PRH1: variants seen among roughly 807,000 people sequenced by gnomAD.
The protein encoded by PRH1 is salivary acidic proline-rich phosphoprotein 1/2.
In PRH1, 7 loss-of-function variants were observed where a neutral mutation model predicts 7.9. That is an observed-to-expected ratio of 0.89 (90% CI 0.50 to 1.67). The LOEUF (loss-of-function observed/expected upper bound fraction) is 1.67, where lower values mean the gene tolerates loss of function less well. Among genes scored for constraint, PRH1 ranks in the 40% most tolerant of loss-of-function variants. The pLI is 0.00. For missense variants in PRH1, 109 were observed against 223.6 expected (o/e 0.49, Z 3.27); for synonymous variants, 45 against 80.8 (o/e 0.56, Z 2.38).
chr12:10,966,036 C>A (rs1938484654), intron 2 of PRH1, among the ~76,000 whole-genome samples: 1 of 152,072 alleles, frequency 6.6e-6, no homozygotes, highest in East Asian at 1.9e-4. Context: ...CATACACATA[C>A]CCATCCAGAA....
In PRH1 at chr12:11,020,559, G is replaced by A. The variant is rs1941568029; in HGVS notation, c.-126+26461C>T. On this transcript the variant is annotated intron_variant, in intron 1 of 3. Coordinates refer to the PRH1 transcript ENST00000539853. ...CATTTCCTTCTTATAATAGAACTTG[G>A]TATCAATGGATACATCAACACACTG... is the stretch of plus-strand genomic sequence containing the variant. Among the ~76,000 whole-genome samples the A allele has an allele frequency of 2.0e-5, 3 of 151,794 alleles. No homozygotes were observed. The South Asian group carries it at 6.3e-4, about 32-fold the overall frequency.
chr12:10,939,045 G>A (rs760650571), intron 2 of PRH1: 16 of 1,613,900 alleles, frequency 9.9e-6, no homozygotes, highest in South Asian at 7.7e-5. Flanking sequence ...AGGCTAATTC[G>A]AGAGATTGCC....
chr12:11,125,170 G>A (rs1003426029), intron 1 of PRH1, among the ~76,000 whole-genome samples: 4 of 152,200 alleles, frequency 2.6e-5, no homozygotes, highest in African/African-American at 9.7e-5. Context: ...TCAGCATCAG[G>A]CCTAGACAAA....
chr12:10,947,995 C>T (rs566999704), intron 2 of PRH1, among the ~76,000 whole-genome samples: 1 of 152,302 alleles, frequency 6.6e-6, no homozygotes, highest in Admixed American at 6.5e-5. Flanking sequence ...GCTGACAGAT[C>T]TGCTGTTACC....
At chr12:10,984,601 G>A (rs1591766078) in intron 1 of PRH1, among the ~76,000 whole-genome samples, 1 of 151,976 alleles carries the variant, frequency 6.6e-6, no homozygotes, top group East Asian at 1.9e-4. Flanking sequence ...TGCTTTTATG[G>A]TGCTTACATT....
intron 2 of PRH1, among the ~76,000 whole-genome samples, chr12:10,913,992 G>C (rs2135834218): frequency 6.6e-6 from 1 of 152,306 alleles, no homozygotes; most frequent in South Asian, 2.1e-4. Flanking sequence ...GCAAGTATGA[G>C]ACTGGCCTCT....
chr12:11,036,694 G>T (rs1301260560), intron 1 of PRH1, among the ~76,000 whole-genome samples: 1 of 152,200 alleles, frequency 6.6e-6, no homozygotes, highest in Non-Finnish European at 1.5e-5. Flanking sequence ...AAATCTAAAT[G>T]TATTGGAGCT....
chr12:10,909,188 A>C (rs1187278552), intron 2 of PRH1: 1 of 1,613,930 alleles, frequency 6.2e-7, no homozygotes, highest in South Asian at 1.1e-5. Context: ...GCTCTCTTTT[A>C]CTGACCCAGT....
intron 1 of PRH1, chr12:11,021,794 C>A (rs767546611): frequency 1.2e-6 from 2 of 1,614,114 alleles, no homozygotes; most frequent in Non-Finnish European, 1.7e-6. Context: ...AGCAGGAGTA[C>A]AAGTTTGCTC....
intron 1 of PRH1, chr12:10,996,452 ATAGT>A (rs902213915): frequency 6.6e-6 from 1 of 152,212 alleles, no homozygotes; most frequent in African/African-American, 2.4e-5. Context: ...TCAAACAATG[ATAGT>A]TAAACAGTTA....
At chr12:11,006,803 T>C (rs1591802050) in intron 1 of PRH1, among the ~76,000 whole-genome samples, 1 of 152,158 alleles carries the variant, frequency 6.6e-6, no homozygotes, top group Admixed American at 6.6e-5. Flanking sequence ...CAGCATATGC[T>C]AATGGATGAG....
At chr12:10,979,002 A>C (rs539941164) in intron 1 of PRH1, among the ~76,000 whole-genome samples, 1 of 152,348 alleles carries the variant, frequency 6.6e-6, no homozygotes, top group Non-Finnish European at 1.5e-5. Context: ...AAACAGAAAC[A>C]GCAAAGCAAG....
chr12:10,882,625 G>A lies in PRH1; in HGVS notation c.174C>T (p.Pro58=), dbSNP rs779082796. 4 of 1,611,772 alleles carry A rather than the reference G, an allele frequency of 2.5e-6. No homozygotes were observed. The highest frequency in any genetic ancestry group is 2.7e-5 in the African/African-American group (2 of 74,774). The stretch of plus-strand genomic sequence containing the variant: ...CATCCTGGTTCCCATCACCAGCAGA[G>A]GGTTGAGATTGCTGTCCTCCCAAAG... ...GPPLGGQQSQ[P]SAGDGNQDDG... The change falls in exon 3 of 4, where the codon CCC becomes CCT. Residue 58 remains proline, a synonymous_variant. Coordinates refer to ENST00000543626, the MANE Select transcript of PRH1 (RefSeq NM_001393989.1).
Position 11,146,747 on chromosome 12 carries a change from T to C in PRH1, n.39+24675A>G, listed in dbSNP as rs558948106. 5.8e-4 allele frequency among the ~76,000 whole-genome samples: 88 copies of C among 152,306 alleles called. 2 individuals carry two copies. In the South Asian group the frequency reaches 0.018, roughly 30 times the overall value. The stretch of plus-strand genomic sequence containing the variant: ...AGTCCTTTTGGACTATTTTTTGTGA[T>C]ACAAGTTACACACTGATTTTCCTCC... On this transcript the variant is annotated intron_variant and non_coding_transcript_variant, in intron 1 of 1. Coordinates refer to the PRH1 transcript ENST00000541175.
chr12:11,131,934 G>A (rs1946355432), intron 1 of PRH1, among the ~76,000 whole-genome samples: 1 of 152,244 alleles, frequency 6.6e-6, no homozygotes, highest in African/African-American at 2.4e-5. Flanking sequence ...TCCTTGTGCT[G>A]GGTTCTAGGT....
intron 2 of PRH1, among the ~76,000 whole-genome samples, chr12:10,939,467 T>A (rs1304530779): frequency 6.6e-6 from 1 of 152,096 alleles, no homozygotes; most frequent in African/African-American, 2.4e-5. Context: ...GGCTGAAGTC[T>A]TTTGTAGCTG....
chr12:11,041,420 A>T (rs1246372584), intron 1 of PRH1, among the ~76,000 whole-genome samples: 1 of 152,174 alleles, frequency 6.6e-6, no homozygotes, highest in Non-Finnish European at 1.5e-5. Context: ...CAATTCACCA[A>T]AAGGATATAG....
upstream of PRH1, among the ~76,000 whole-genome samples, chr12:10,884,635 A>G (rs1296411563): frequency 6.6e-6 from 1 of 152,106 alleles, no homozygotes; most frequent in African/African-American, 2.4e-5. Context: ...CGGGGGGTGG[A>G]CACTGATCCT....
At chr12:11,031,914 T>C (rs1318650689) in intron 1 of PRH1, among the ~76,000 whole-genome samples, 2 of 152,218 alleles carry the variant, frequency 1.3e-5, no homozygotes, top group African/African-American at 4.8e-5. Context: ...GACCTTAAAT[T>C]CTATATGCAC....
Sources: gnomAD v4.1 joint callset for allele counts (sites outside exome capture counted in the v4.1 genomes callset) on GRCh38, gnomAD v4.1.1 for gene constraint, MANE v1.5 for transcripts, NCBI Gene and HGNC (gene_info 2026-07-23, HGNC 2026-07-21) for gene names.